The following PDE4D variants were observed in gnomAD, a reference collection of about 807,000 sequenced individuals.
PDE4D encodes 3',5'-cyclic-AMP phosphodiesterase 4D.
Under a neutral mutation model 87.4 loss-of-function variants are expected in PDE4D, and 24 were observed. The observed-to-expected ratio is 0.27, with a 90% CI of 0.20 to 0.39. PDE4D has a LOEUF of 0.39. Among genes scored for constraint, PDE4D ranks in the 10% least tolerant of loss-of-function variants. PDE4D has a pLI of 1.00. For missense variants in PDE4D, 714 were observed against 1,041.0 expected, an observed-to-expected ratio of 0.69 and a Z score of 4.32; for synonymous variants, 384 against 383.2, an observed-to-expected ratio of 1.00 and a Z score of -0.02.
chr5:60,419,791 C>A (rs116567865), intron 1 of PDE4D, among the ~76,000 whole-genome samples: 1 of 152,076 alleles, frequency 6.6e-6, no homozygotes, highest in Non-Finnish European at 1.5e-5. Context: ...ATGAGGCAAC[C>A]GTTTTCAAAC....
At chr5:59,910,223 G>A (rs1040691064) in intron 3 of PDE4D, among the ~76,000 whole-genome samples, 1 of 152,106 alleles carries the variant, frequency 6.6e-6, no homozygotes, top group African/African-American at 2.4e-5. Flanking sequence ...GCACCTGATT[G>A]TGAAGTTCCT....
chr5:59,248,066 A>G (rs995949307), intron 1 of PDE4D, among the ~76,000 whole-genome samples: 1 of 147,134 alleles, frequency 6.8e-6, no homozygotes, highest in African/African-American at 2.5e-5. Context: ...AAAAAAAAAA[A>G]AAAAGTGCAA....
chr5:59,271,943 C>A (rs867975002), intron 1 of PDE4D, among the ~76,000 whole-genome samples: 1 of 151,654 alleles, frequency 6.6e-6, no homozygotes, highest in Non-Finnish European at 1.5e-5. Flanking sequence ...AAAATAACCA[C>A]TACCAAAAGC....
At position 59,156,331 on chromosome 5, in the gene PDE4D, A is replaced by ATATATATATATG. The variant is rs1384479557; in HGVS notation, c.808+24263_808+24264insCATATATATATA. On this transcript the variant is annotated intron_variant, in intron 5 of 14. Transcript: ENST00000340635. ...CCAGAAAAAAAAAAAATATATATAT[A>ATATATATATATG]TGTGTGTGTGTGTGTGTGTGTGTGT... Among the ~76,000 whole-genome samples, 618 of 122,698 alleles carry ATATATATATATG rather than the reference A, an allele frequency of 5.0e-3. 9 individuals carry two copies. Among genetic ancestry groups the ATATATATATATG allele is most frequent in the East Asian group, 0.017 (71 of 4,184 alleles). 80.5% of individuals were successfully genotyped at this position (122,698 alleles called of 152,430 possible). A position where few individuals can be genotyped will look rare whatever the true frequency, so the allele number is the denominator to read the frequency against.
At chr5:59,341,140 T>C (rs562210320) in intron 1 of PDE4D, among the ~76,000 whole-genome samples, 1 of 152,186 alleles carries the variant, frequency 6.6e-6, no homozygotes, top group East Asian at 1.9e-4. Context: ...AAGTGCTCTA[T>C]GGCTACTAGC....
At chr5:60,489,894 A>G (rs1749433211), upstream of PDE4D, 1 of 152,204 alleles carries the variant, frequency 6.6e-6, no homozygotes, top group Admixed American at 6.5e-5. Context: ...GACAAAGCCA[A>G]CAATACTCTA....
intron 3 of PDE4D, among the ~76,000 whole-genome samples, chr5:59,935,536 A>C (rs73101372): frequency 0.037 from 5,597 of 152,310 alleles, 330 homozygotes; most frequent in African/African-American, 0.13. Flanking sequence ...GTGTAATTCA[A>C]TTCTTGCAAA....
At chr5:59,877,479 T>TAAAAAAAAAAAAAAAAAAAA (rs70975344) in intron 1 of PDE4D, among the ~76,000 whole-genome samples, 1 of 102,396 alleles carries the variant, frequency 9.8e-6, no homozygotes, top group Non-Finnish European at 2.0e-5. Flanking sequence ...TGCCAGAACC[T>TAAAAAAAAAAAAAAAAAAAA]AAAAAAAAAA....
intron 1 of PDE4D, among the ~76,000 whole-genome samples, chr5:59,333,578 T>G (rs1416939961): frequency 6.6e-6 from 1 of 152,190 alleles, no homozygotes; most frequent in African/African-American, 2.4e-5. Flanking sequence ...TCCAGGAAGC[T>G]TAGTGTGTCT....
At chr5:59,544,153 C>G (rs1304137031) in intron 1 of PDE4D, among the ~76,000 whole-genome samples, 1 of 152,154 alleles carries the variant, frequency 6.6e-6, no homozygotes, top group Non-Finnish European at 1.5e-5. Context: ...TGTCATCATT[C>G]TGCAGCAAGG....
chr5:60,210,364 A>G (rs183087632), intron 1 of PDE4D, among the ~76,000 whole-genome samples: 1 of 152,026 alleles, frequency 6.6e-6, no homozygotes, highest in African/African-American at 2.4e-5. Flanking sequence ...TTTTAAAAAA[A>G]CAACTTTTAA....
chr5:59,159,162 T>TA (rs760484584), intron 5 of PDE4D, among the ~76,000 whole-genome samples: 85 of 152,002 alleles, frequency 5.6e-4, no homozygotes, highest in Admixed American at 1.2e-3. Flanking sequence ...TGAGACTACT[T>TA]AAGATTTTTT....
intron 1 of PDE4D, among the ~76,000 whole-genome samples, chr5:59,775,671 CATA>C (rs1442687748): frequency 1.3e-5 from 2 of 152,098 alleles, no homozygotes; most frequent in African/African-American, 4.8e-5. Flanking sequence ...AATCCTTGTG[CATA>C]ATGAAATTGA....
In PDE4D at chr5:59,023,190, AG is replaced by A. The variant is rs554621314; in HGVS notation, c.921+15668del. On this transcript the variant is annotated intron_variant, in intron 6 of 14. Coordinates refer to ENST00000340635, the MANE Select transcript of PDE4D (RefSeq NM_001104631.2). ...ACTCTAACTCAAGGAAAAAAAAAAAAGAGAGAGAGAGAGAAAATACAACCAG... is the reference window on the plus strand; with the variant it reads ...ACTCTAACTCAAGGAAAAAAAAAAAAAGAGAGAGAGAGAAAATACAACCAG... Among the ~76,000 whole-genome samples, 81 of 123,366 alleles carry A rather than the reference AG, an allele frequency of 6.6e-4. 1 individual carries two copies. In the South Asian group the frequency reaches 0.016, roughly 24 times the overall value. 80.9% of individuals were successfully genotyped at this position (123,366 alleles called of 152,430 possible).
intron 1 of PDE4D, among the ~76,000 whole-genome samples, chr5:60,353,217 G>A (rs566006211): frequency 1.8e-4 from 28 of 152,270 alleles, no homozygotes; most frequent in African/African-American, 5.5e-4. Flanking sequence ...CTTTGCCACA[G>A]TTAGAAAGCA....
chr5:59,395,070 G>A (rs1361270735), intron 1 of PDE4D, among the ~76,000 whole-genome samples: 1 of 152,198 alleles, frequency 6.6e-6, no homozygotes. Context: ...GCACCTGGCT[G>A]GGAGGGTCCT....
chr5:60,439,825 C>T (rs1178068935), intron 1 of PDE4D, among the ~76,000 whole-genome samples: 1 of 151,854 alleles, frequency 6.6e-6, no homozygotes, highest in Admixed American at 6.6e-5. Flanking sequence ...TTCCCACTCT[C>T]TGTCTTCCAT....
intron 1 of PDE4D, among the ~76,000 whole-genome samples, chr5:59,813,604 C>G (rs1303526664): frequency 6.6e-6 from 1 of 152,146 alleles, no homozygotes; most frequent in Non-Finnish European, 1.5e-5. Context: ...AAATTATTTT[C>G]AAGTTTTTCA....
intron 1 of PDE4D, among the ~76,000 whole-genome samples, chr5:59,731,655 G>A (rs1757376483): frequency 2.6e-5 from 4 of 152,106 alleles, no homozygotes; most frequent in Admixed American, 2.6e-4. Flanking sequence ...TGAAGGAGCT[G>A]GTGCCAGACT....
Sources: gnomAD v4.1 joint callset for allele counts (sites outside exome capture counted in the v4.1 genomes callset) on GRCh38, gnomAD v4.1.1 for gene constraint, MANE v1.5 for transcripts, NCBI Gene and HGNC (gene_info 2026-07-23, HGNC 2026-07-21) for gene names.